Variants in COMMD8 observed in about 807,000 individuals in gnomAD.
COMMD8 encodes the protein COMM domain containing 8.
Under a neutral mutation model 27.2 loss-of-function variants are expected in COMMD8, and 28 were observed. The observed-to-expected ratio is 1.03, with a 90% CI of 0.76 to 1.41. COMMD8 has a LOEUF of 1.41. Among genes scored for constraint, COMMD8 ranks in the 40% most tolerant of loss-of-function variants. COMMD8 has a pLI of 0.00. For missense variants in COMMD8, 217 were observed against 211.2 expected (o/e 1.03, Z -0.17); for synonymous variants, 79 against 75.5 (o/e 1.05, Z -0.24).
At chr4:47,463,325 A>T (rs1730113403) in intron 1 of COMMD8, among the ~76,000 whole-genome samples, 1 of 152,244 alleles carries the variant, frequency 6.6e-6, no homozygotes, top group Non-Finnish European at 1.5e-5. Flanking sequence ...ACACCGACTT[A>T]AGCTTTCAAA....
chr4:47,456,262 TTATACATATATATA>T (rs1202221573), intron 3 of COMMD8, among the ~76,000 whole-genome samples: 30 of 80,850 alleles, frequency 3.7e-4, no homozygotes, highest in African/African-American at 1.2e-3. Context: ...AATAAATAAA[TTATACATATATATA>T]TATATATATA....
intron 1 of COMMD8, among the ~76,000 whole-genome samples, chr4:47,463,110 C>T (rs1730103779): frequency 6.6e-6 from 1 of 152,180 alleles, no homozygotes; most frequent in Non-Finnish European, 1.5e-5. Flanking sequence ...GGGTACATCA[C>T]CTCTTGGGAC....
intron 2 of COMMD8, among the ~76,000 whole-genome samples, chr4:47,459,618 C>T (rs1729970774): frequency 6.6e-6 from 1 of 152,124 alleles, no homozygotes; most frequent in Non-Finnish European, 1.5e-5. Flanking sequence ...ATGTAAAACA[C>T]AATGCTGCAT....
intron 3 of COMMD8, among the ~76,000 whole-genome samples, chr4:47,455,454 T>C (rs911546722): frequency 2.0e-5 from 3 of 152,230 alleles, no homozygotes; most frequent in African/African-American, 7.2e-5. Flanking sequence ...CTGATTGTAA[T>C]TGGCTGTGAC....
chr4:47,459,927 TG>T, intron 2 of COMMD8: 2 of 400,956 alleles, frequency 5.0e-6, no homozygotes, highest in Non-Finnish European at 4.4e-6. Flanking sequence ...TATAATTTCT[TG>T]TTTTCTTCTG....
At chr4:47,453,721 A>AATATAT (rs1451422915) in intron 3 of COMMD8, among the ~76,000 whole-genome samples, 1 of 152,194 alleles carries the variant, frequency 6.6e-6, no homozygotes, top group African/African-American at 2.4e-5. Flanking sequence ...CTGTACATTT[A>AATATAT]CCTCACTTCT....
At chr4:47,453,777 A>G (rs1409989934) in intron 3 of COMMD8, among the ~76,000 whole-genome samples, 2 of 152,182 alleles carry the variant, frequency 1.3e-5, no homozygotes, top group African/African-American at 4.8e-5. Flanking sequence ...GGAAGAACCA[A>G]ATATTTATAA....
intron 3 of COMMD8, among the ~76,000 whole-genome samples, chr4:47,455,463 A>T (rs1729863689): frequency 2.6e-5 from 4 of 152,178 alleles, no homozygotes; most frequent in Admixed American, 2.6e-4. Context: ...ATTGGCTGTG[A>T]CATAATTTTG....
At chr4:47,456,270 A>ATATC (rs1412118292) in intron 3 of COMMD8, among the ~76,000 whole-genome samples, 1 of 39,932 alleles carries the variant, frequency 2.5e-5, no homozygotes, top group African/African-American at 2.2e-4. Context: ...AATTATACAT[A>ATATC]TATATATATA....
intron 2 of COMMD8, among the ~76,000 whole-genome samples, chr4:47,458,695 A>G (rs1242783432): frequency 6.6e-6 from 1 of 152,124 alleles, no homozygotes; most frequent in Admixed American, 6.5e-5. Context: ...ATCCGAAAAT[A>G]TAATAGCCAA....
At chr4:47,451,974 A>G (rs1416592659) in intron 4 of COMMD8, among the ~76,000 whole-genome samples, 1 of 152,254 alleles carries the variant, frequency 6.6e-6, no homozygotes, top group Admixed American at 6.5e-5. Flanking sequence ...GAGCAAATGC[A>G]GAGTGTGGAG....
intron 1 of COMMD8, among the ~76,000 whole-genome samples, chr4:47,461,824 C>G (rs1206182427): frequency 6.6e-6 from 1 of 152,116 alleles, no homozygotes; most frequent in Non-Finnish European, 1.5e-5. Context: ...ATAAATAAGG[C>G]CCTACCATAA....
intron 3 of COMMD8, among the ~76,000 whole-genome samples, chr4:47,454,145 G>A (rs1348012777): frequency 1.3e-5 from 2 of 152,130 alleles, no homozygotes; most frequent in Non-Finnish European, 2.9e-5. Flanking sequence ...CCCTATGCTT[G>A]AATACCACCA....
At chr4:47,457,943 A>G (rs1483324309) in intron 2 of COMMD8, among the ~76,000 whole-genome samples, 2 of 152,002 alleles carry the variant, frequency 1.3e-5, no homozygotes, top group Admixed American at 6.6e-5. Context: ...AAAAAAAAAG[A>G]TAATACATCA....
chr4:47,462,810 G>A (rs1480302370), intron 1 of COMMD8, among the ~76,000 whole-genome samples: 1 of 152,074 alleles, frequency 6.6e-6, no homozygotes, highest in African/African-American at 2.4e-5. Context: ...ACAAAGAAAA[G>A]AATTAGGTGT....
At chr4:47,456,852 A>G (rs902002448) in intron 2 of COMMD8, 123 bp from the exon 3 acceptor site, 1 of 671,224 alleles carries the variant, frequency 1.5e-6, no homozygotes, top group Non-Finnish European at 2.3e-6. Context: ...CTGTAACTAT[A>G]AAAAAGAGTA....
intron 2 of COMMD8, among the ~76,000 whole-genome samples, chr4:47,457,825 G>C (rs1483767801): frequency 1.4e-5 from 2 of 147,004 alleles, no homozygotes; most frequent in Non-Finnish European, 3.0e-5. Flanking sequence ...CTTGACAATA[G>C]TATTATAGGG....
In COMMD8 at chr4:47,460,131, G is replaced by T. The variant is rs1560391331; in HGVS notation, c.222+13C>A. 5 of 1,608,888 alleles carry T rather than the reference G, an allele frequency of 3.1e-6. No individual in the cohort carries two copies. Among genetic ancestry groups the T allele is most frequent in the East Asian group, 2.2e-5 (1 of 44,738 alleles). Reference sequence around the variant, plus strand: ...TATTTATTGTAAGTTATAGAAATGTGCAGAGAAGTTACCTCTTCATCAGGT... The same window carrying T: ...TATTTATTGTAAGTTATAGAAATGTTCAGAGAAGTTACCTCTTCATCAGGT... On this transcript the variant is annotated intron_variant, in intron 2 of 4. Transcript: ENST00000381571.
chr4:47,453,387 G>C (rs1305521183), intron 3 of COMMD8, among the ~76,000 whole-genome samples, 173 bp from the exon 4 acceptor site: 1 of 152,178 alleles, frequency 6.6e-6, no homozygotes, highest in East Asian at 1.9e-4. Context: ...AGAACAGAAA[G>C]AGAAAGGAGA....
Sources: gnomAD v4.1 joint callset for allele counts (sites outside exome capture counted in the v4.1 genomes callset) on GRCh38, gnomAD v4.1.1 for gene constraint, MANE v1.5 for transcripts, NCBI Gene and HGNC (gene_info 2026-07-23, HGNC 2026-07-21) for gene names.